Variants in TRPM1 observed in about 807,000 individuals in gnomAD.
The protein encoded by TRPM1 is transient receptor potential cation channel subfamily M member 1.
A neutral mutation model predicts 149.4 loss-of-function variants in TRPM1; 113 were observed. The ratio of observed to expected loss-of-function variants is 0.76; its 90% CI spans 0.65 to 0.88. TRPM1 has a LOEUF of 0.88. Ranked by LOEUF, TRPM1 falls within the 40% of genes least tolerant of loss-of-function variation. The pLI, the probability that TRPM1 is intolerant of heterozygous loss-of-function variation, is 0.00. For missense variants in TRPM1, 1,976 were observed against 2,038.7 expected (o/e 0.97, Z 0.59); for synonymous variants, 741 against 759.5 (o/e 0.98, Z 0.40).
Position 31,001,472 on chromosome 15 carries a change from G to C in TRPM1, c.*350C>G, listed in dbSNP as rs934884046. 2.5e-5 allele frequency: 7 copies of C among 276,484 alleles called. No homozygotes were observed. Among genetic ancestry groups the C allele is most frequent in the Admixed American group, 1.0e-4 (2 of 19,798 alleles). 17.1% of individuals were successfully genotyped at this position (276,484 alleles called of 1,614,324 possible). The stretch of plus-strand genomic sequence containing the variant: ...CATGAGCCACTGTGCCCAGCTAGTT[G>C]CTTACTTCTTAAGTGACCTAATGGT... On this transcript the variant is annotated 3_prime_UTR_variant, in exon 28 of 28. Transcript: ENST00000256552.
rs1161340495 is a variant in TRPM1, at chr15:31,050,448, C to T, written c.1398G>A (p.Glu466=). 2 of 1,614,066 alleles carry T rather than the reference C, an allele frequency of 1.2e-6. No homozygotes were observed. The highest frequency in any genetic ancestry group is 2.2e-5 in the East Asian group (1 of 44,872). ...KKKGKVKEEV[E]EETDPRKIEL... ...CTATCTTCCGGGGGTCAGTTTCTTC[C>T]TCCACTTCCTCTTTCACTTTCCCTT... Residue 466 remains glutamate (E), a synonymous_variant, in exon 12 of 28, where the codon GAG becomes GAA. Transcript: ENST00000256552.
intron 1 of TRPM1, among the ~76,000 whole-genome samples, chr15:31,135,249 G>C (rs2036073251): frequency 6.6e-6 from 1 of 152,104 alleles, no homozygotes; most frequent in East Asian, 1.9e-4. Context: ...ATTACTACAT[G>C]TGCACTCAAG....
chr15:31,083,939 A>G (rs1299161246), intron 1 of TRPM1, among the ~76,000 whole-genome samples: 1 of 152,074 alleles, frequency 6.6e-6, no homozygotes, highest in Non-Finnish European at 1.5e-5. Flanking sequence ...TGCTTGGAAG[A>G]CCTTTGAAAC....
intron 27 of TRPM1, among the ~76,000 whole-genome samples, chr15:31,023,781 G>C (rs900695774): frequency 1.3e-5 from 2 of 152,218 alleles, no homozygotes; most frequent in Non-Finnish European, 1.5e-5. Context: ...CTAAGTGGGC[G>C]TGGTTGGTAG....
At chr15:31,126,688 G>A (rs939961411) in intron 1 of TRPM1, among the ~76,000 whole-genome samples, 3 of 152,124 alleles carry the variant, frequency 2.0e-5, no homozygotes, top group African/African-American at 7.2e-5. Context: ...TGCCGGCCAG[G>A]CGCAGTGGCT....
intron 11 of TRPM1, among the ~76,000 whole-genome samples, chr15:31,051,667 C>T (rs1449537901): frequency 6.6e-6 from 1 of 152,312 alleles, no homozygotes; most frequent in Non-Finnish European, 1.5e-5. Flanking sequence ...CCTTTCCACT[C>T]TACTCTCTTC....
rs536797222 is a variant in TRPM1, at chr15:31,050,255, G to A, written c.1437+154C>T. Among the ~76,000 whole-genome samples the A allele has an allele frequency of 1.8e-4, 28 of 152,256 alleles. No individual in the cohort carries two copies. In the South Asian group the frequency reaches 5.8e-3, roughly 32 times the overall value. ...ACAGGCTCATTGCAGCGAATGTGCTGTTGTAGTTTGAAATGCTGACACTAC... is the reference window on the plus strand; with the variant it reads ...ACAGGCTCATTGCAGCGAATGTGCTATTGTAGTTTGAAATGCTGACACTAC... On this transcript the variant is annotated intron_variant, in intron 12 of 27. Coordinates refer to ENST00000256552, the MANE Select transcript of TRPM1 (RefSeq NM_001252024.2).
chr15:31,011,298 C>T (rs985381415), intron 27 of TRPM1, among the ~76,000 whole-genome samples: 1 of 152,052 alleles, frequency 6.6e-6, no homozygotes, highest in African/African-American at 2.4e-5. Flanking sequence ...AAGAACTTAC[C>T]TCTGCCATAC....
chr15:31,107,952 G>A (rs2035631371), intron 1 of TRPM1, among the ~76,000 whole-genome samples: 1 of 151,630 alleles, frequency 6.6e-6, no homozygotes, highest in African/African-American at 2.4e-5. Context: ...CTGCCTCCAG[G>A]GTTCAAGTGA....
Position 31,109,551 on chromosome 15 carries a change from T to C in TRPM1, c.55-32567A>G, listed in dbSNP as rs142309598. 4.3e-4 allele frequency among the ~76,000 whole-genome samples: 64 copies of C among 150,570 alleles called. 1 individual carries two copies. In the East Asian group the frequency reaches 0.012, roughly 29 times the overall value. The stretch of plus-strand genomic sequence containing the variant: ...CCATTTCTACTAAAAATACAAAAAA[T>C]TAGCTGGGCGTGGTGGTGGGTGCCT... On this transcript the variant is annotated intron_variant, in intron 1 of 26. Coordinates refer to the TRPM1 transcript ENST00000542188.
In TRPM1 at chr15:31,041,820, G is replaced by A. The variant is rs556423417; in HGVS notation, c.2087+131C>T. The A allele has an allele frequency of 1.2e-5, 12 of 1,027,280 alleles. No individual in the cohort carries two copies. The Admixed American group carries it at 1.8e-4, about 15-fold the overall frequency. The allele number at this position is 1,027,280 out of a possible 1,614,324, so 63.6% of individuals were successfully genotyped here. A position where few individuals can be genotyped will look rare whatever the true frequency, so the allele number is the denominator to read the frequency against. On this transcript the variant is annotated intron_variant, in intron 17 of 27. Coordinates refer to ENST00000256552, the MANE Select transcript of TRPM1 (RefSeq NM_001252024.2). ...AAAGAAAAATGCTGACATGACAGACGAAGTGATTTGTGAACAAGCTTTAAC... is the reference window on the plus strand; with the variant it reads ...AAAGAAAAATGCTGACATGACAGACAAAGTGATTTGTGAACAAGCTTTAAC...
In TRPM1 at chr15:31,088,874, G is replaced by GC. The variant is rs56070223; in HGVS notation, c.-83-7437dup. 7.3e-5 allele frequency among the ~76,000 whole-genome samples: 11 copies of GC among 151,456 alleles called. 1 individual carries two copies. Among genetic ancestry groups the GC allele is most frequent in the South Asian group, 2.1e-4 (1 of 4,804 alleles). On this transcript the variant is annotated intron_variant, in intron 1 of 27. Coordinates refer to ENST00000256552, the MANE Select transcript of TRPM1 (RefSeq NM_001252024.2). Reference sequence around the variant, plus strand: ...GCCCTGCTGCGGGTATTGACATTTGGCCCCCCCGAGCGGGAGATCAGTGTT... The same window carrying GC: ...GCCCTGCTGCGGGTATTGACATTTGGCCCCCCCCGAGCGGGAGATCAGTGTT...
At chr15:31,088,910 A>C (rs970878678) in intron 1 of TRPM1, among the ~76,000 whole-genome samples, 2 of 152,140 alleles carry the variant, frequency 1.3e-5, no homozygotes, top group East Asian at 1.9e-4. Flanking sequence ...TGCCTACCAG[A>C]AGTCTGGTGG....
chr15:31,121,155 G>A (rs2035871722), intron 1 of TRPM1, among the ~76,000 whole-genome samples: 1 of 149,324 alleles, frequency 6.7e-6, no homozygotes, highest in Non-Finnish European at 1.5e-5. Context: ...TGACCCAGGA[G>A]GCAGATGTTG....
At chr15:31,093,668 C>T (rs887846182) in intron 1 of TRPM1, among the ~76,000 whole-genome samples, 3 of 151,588 alleles carry the variant, frequency 2.0e-5, no homozygotes, top group African/African-American at 7.3e-5. Flanking sequence ...GTGGCATGAT[C>T]TCGGCTCACT....
At chr15:31,130,655 T>C (rs1255110163) in intron 1 of TRPM1, among the ~76,000 whole-genome samples, 1 of 152,176 alleles carries the variant, frequency 6.6e-6, no homozygotes, top group African/African-American at 2.4e-5. Context: ...TGCATTCTGA[T>C]GCACCAGCTG....
intron 1 of TRPM1, among the ~76,000 whole-genome samples, chr15:31,096,172 GAGAA>G (rs936301451): frequency 2.0e-5 from 3 of 152,080 alleles, no homozygotes; most frequent in African/African-American, 7.2e-5. Flanking sequence ...GGGAAAAAGA[GAGAA>G]AGAAAGAGCA....
In TRPM1 at chr15:31,027,024, C is replaced by T. The variant is rs1295675049; in HGVS notation, c.3387G>A (p.Leu1129=). Residue 1129 remains leucine, a synonymous_variant, in exon 26 of 28, where the codon CTG becomes CTA. Coordinates refer to ENST00000256552, the MANE Select transcript of TRPM1 (RefSeq NM_001252024.2). ...GGCTTAAAATGATCATCGGTGGGGG[C>T]AGGACTGGCCTGTCATGAAATGTCA... The part of the protein sequence containing the change: ...LIMTFHDRPV[L]PPPMIILSHI... The T allele has an allele frequency of 6.2e-7, 1 of 1,614,172 alleles. No homozygotes were observed. The highest frequency in any genetic ancestry group is 1.1e-5 in the South Asian group (1 of 91,088).
At chr15:31,053,695 A>C (rs2034009689) in intron 11 of TRPM1, among the ~76,000 whole-genome samples, 1 of 152,198 alleles carries the variant, frequency 6.6e-6, no homozygotes, top group Admixed American at 6.5e-5. Context: ...GTGATTCTTC[A>C]AAAAATTAAA....
Sources: allele counts gnomAD v4.1 joint callset (sites outside exome capture counted in the v4.1 genomes callset), GRCh38; gene constraint gnomAD v4.1.1; transcripts MANE v1.5; gene names NCBI Gene and HGNC (gene_info 2026-07-23, HGNC 2026-07-21).